The following DPP6 variants were observed in gnomAD, a reference collection of about 807,000 sequenced individuals.
DPP6 encodes the protein dipeptidyl peptidase like 6.
Under a neutral mutation model 122.6 loss-of-function variants are expected in DPP6, and 69 were observed. The ratio of observed to expected loss-of-function variants is 0.56; its 90% CI spans 0.46 to 0.69. The LOEUF is 0.69. DPP6 is among the 30% of genes least tolerant of loss of function. The pLI is 0.00. For missense variants in DPP6, 928 were observed against 1,116.9 expected (o/e 0.83, Z 2.41); for synonymous variants, 418 against 433.1 (o/e 0.97, Z 0.43).
intron 1 of DPP6, among the ~76,000 whole-genome samples, chr7:153,945,935 G>C (rs982713720): frequency 2.6e-5 from 4 of 152,172 alleles, no homozygotes; most frequent in African/African-American, 7.2e-5. Flanking sequence ...ATTCCTAAGT[G>C]GAGCACACTG....
At chr7:154,848,122 A>G (rs1802088632) in intron 16 of DPP6, among the ~76,000 whole-genome samples, 1 of 152,258 alleles carries the variant, frequency 6.6e-6, no homozygotes, top group African/African-American at 2.4e-5. Flanking sequence ...ATAGTGCTGC[A>G]GTAAACATGG....
intron 1 of DPP6, among the ~76,000 whole-genome samples, chr7:154,335,354 T>G (rs1250820245): frequency 6.6e-6 from 1 of 152,234 alleles, no homozygotes; most frequent in East Asian, 1.9e-4. Flanking sequence ...CACATATACC[T>G]GAATTGTGAG....
chr7:154,809,856 C>A (rs1798937261), intron 16 of DPP6, among the ~76,000 whole-genome samples: 1 of 152,046 alleles, frequency 6.6e-6, no homozygotes, highest in South Asian at 2.1e-4. Flanking sequence ...ATCCAGAATC[C>A]AACAGCTTAT....
the DPP6 span, among the ~76,000 whole-genome samples, chr7:153,838,266 A>C: frequency 2.6e-5 from 4 of 152,046 alleles, no homozygotes; most frequent in African/African-American, 9.7e-5. Context: ...GTTGCAAGGG[A>C]CCAGAGTCCA....
At chr7:154,485,868 G>A (rs1467656469) in intron 3 of DPP6, among the ~76,000 whole-genome samples, 1 of 151,954 alleles carries the variant, frequency 6.6e-6, no homozygotes, top group African/African-American at 2.4e-5. Flanking sequence ...ATGTATACAT[G>A]TGCCATGTTG....
Position 154,887,656 on chromosome 7 carries a change from C to G in DPP6, c.2246-20C>G. 1.2e-6 allele frequency: 2 copies of G among 1,613,516 alleles called. No homozygotes were observed. The highest frequency in any genetic ancestry group is 1.7e-5 in the Admixed American group (1 of 60,022). On this transcript the variant is annotated intron_variant, in intron 22 of 25. Coordinates refer to ENST00000377770, the MANE Select transcript of DPP6 (RefSeq NM_130797.4). ...GGCCTCGAAGCCAGAGGTAACCTCC[C>G]TCCCTTTGCTTCCGTGCAGCCTCTG...
the DPP6 span, among the ~76,000 whole-genome samples, chr7:153,800,430 G>A: frequency 3.3e-5 from 5 of 152,178 alleles, no homozygotes; most frequent in Admixed American, 6.5e-5. Context: ...ATGGTGTTGA[G>A]GGGACATGAA....
the DPP6 span, among the ~76,000 whole-genome samples, chr7:153,855,603 G>T: frequency 6.6e-6 from 1 of 152,148 alleles, no homozygotes; most frequent in Non-Finnish European, 1.5e-5. Context: ...ATCAGCTGAT[G>T]ATTAGACAGA....
chr7:154,762,233 A>G (rs1795603915), intron 8 of DPP6, among the ~76,000 whole-genome samples: 1 of 152,182 alleles, frequency 6.6e-6, no homozygotes, highest in African/African-American at 2.4e-5. Flanking sequence ...TTTCTGCCAC[A>G]TTCTCTTCAT....
chr7:154,750,234 C>T (rs1021653505), intron 8 of DPP6, among the ~76,000 whole-genome samples: 3 of 152,208 alleles, frequency 2.0e-5, no homozygotes, highest in African/African-American at 7.2e-5. Flanking sequence ...CAGAACCTAT[C>T]CGTAGATGAA....
At chr7:154,789,060 C>T (rs905274640) in intron 10 of DPP6, among the ~76,000 whole-genome samples, 2 of 152,084 alleles carry the variant, frequency 1.3e-5, no homozygotes, top group Non-Finnish European at 2.9e-5. Flanking sequence ...CTCACAGTTC[C>T]GCACCTCAGG....
At chr7:154,448,183 A>G (rs918449543) in intron 2 of DPP6, among the ~76,000 whole-genome samples, 3 of 152,174 alleles carry the variant, frequency 2.0e-5, no homozygotes, top group African/African-American at 7.2e-5. Flanking sequence ...AGAAAATCTT[A>G]AGGAATCCAC....
At chr7:153,899,323 C>A (rs1172160249) in intron 1 of DPP6, among the ~76,000 whole-genome samples, 1 of 152,154 alleles carries the variant, frequency 6.6e-6, no homozygotes, top group African/African-American at 2.4e-5. Flanking sequence ...CTGAGCCCAG[C>A]TCCCAGGACA....
At chr7:154,735,364 T>G (rs115438042) in intron 8 of DPP6, among the ~76,000 whole-genome samples, 2 of 152,298 alleles carry the variant, frequency 1.3e-5, no homozygotes, top group South Asian at 4.1e-4. Flanking sequence ...CTTAAAAAAA[T>G]TATATTCCAC....
chr7:154,248,639 G>A (rs1359164825), intron 1 of DPP6, among the ~76,000 whole-genome samples: 1 of 152,196 alleles, frequency 6.6e-6, no homozygotes, highest in African/African-American at 2.4e-5. Context: ...GCCGAGGCAG[G>A]TGGATCACTT....
chr7:154,665,231 T>C (rs1180178008), intron 6 of DPP6, among the ~76,000 whole-genome samples: 5 of 152,232 alleles, frequency 3.3e-5, no homozygotes, highest in African/African-American at 1.2e-4. Context: ...GTCCTTCCCA[T>C]TGCATTATAT....
Position 154,156,765 on chromosome 7 carries a change from A to ATAGG in DPP6, c.243+103726_243+103729dup, listed in dbSNP as rs533660351. ...GACCTTGAATTTAATGGAGGTATAG[A>ATAGG]TAGGTAGGTAGGTAGGTAGGTAGGT... On this transcript the variant is annotated intron_variant, in intron 1 of 25. Coordinates refer to ENST00000377770, the MANE Select transcript of DPP6 (RefSeq NM_130797.4). 6.4e-3 allele frequency among the ~76,000 whole-genome samples: 977 copies of ATAGG among 152,168 alleles called. 9 individuals carry two copies. Among genetic ancestry groups the ATAGG allele is most frequent in the African/African-American group, 0.021 (880 of 41,490 alleles).
chr7:153,865,466 C>G, the DPP6 span, among the ~76,000 whole-genome samples: 13 of 151,994 alleles, frequency 8.6e-5, no homozygotes, highest in Admixed American at 8.5e-4. Context: ...TTTGTAATAT[C>G]GTTGTCACCT....
chr7:154,412,721 GCACTTATT>G (rs1222261088), intron 1 of DPP6, among the ~76,000 whole-genome samples: 4 of 152,050 alleles, frequency 2.6e-5, no homozygotes, highest in Admixed American at 2.6e-4. Flanking sequence ...TTGTTATACA[GCACTTATT>G]CAATGCCGCC....
Sources: gnomAD v4.1 joint callset for allele counts (sites outside exome capture counted in the v4.1 genomes callset) on GRCh38, gnomAD v4.1.1 for gene constraint, MANE v1.5 for transcripts, NCBI Gene and HGNC (gene_info 2026-07-23, HGNC 2026-07-21) for gene names.